VPS37A: variants seen among roughly 807,000 people sequenced by gnomAD.
The protein encoded by VPS37A is VPS37A subunit of ESCRT-I.
A neutral mutation model predicts 49.8 loss-of-function variants in VPS37A; 30 were observed. The observed-to-expected ratio is 0.60, with a 90% CI of 0.45 to 0.82. VPS37A has a LOEUF of 0.82. Ranked by LOEUF, VPS37A falls within the 40% of genes least tolerant of loss-of-function variation. The probability of loss-of-function intolerance (pLI) is 0.00; values close to 1 mark genes in which losing one functional copy is unlikely to be tolerated. For synonymous variants in VPS37A, 195 were observed against 160.6 expected (o/e 1.21, Z -1.62); for missense variants, 593 against 464.4 (o/e 1.28, Z -2.55).
downstream of VPS37A, chr8:17,302,038 T>C (rs1817151466): frequency 7.2e-7 from 1 of 1,382,330 alleles, no homozygotes; most frequent in Non-Finnish European, 1.0e-6. Context: ...TCAGGTGTTC[T>C]ACTGACTAAA....
At chr8:17,268,627 T>C (rs376215522) in intron 3 of VPS37A, among the ~76,000 whole-genome samples, 2 of 152,166 alleles carry the variant, frequency 1.3e-5, no homozygotes, top group African/African-American at 2.4e-5. Context: ...TAAGGAAATA[T>C]TTTGGCTCCA....
At chr8:17,290,240 A>G (rs1044910994) in intron 11 of VPS37A, among the ~76,000 whole-genome samples, 1 of 151,694 alleles carries the variant, frequency 6.6e-6, no homozygotes, top group Non-Finnish European at 1.5e-5. Flanking sequence ...ACTGTGTTGA[A>G]TAGGAGTTGT....
the VPS37A span, among the ~76,000 whole-genome samples, chr8:17,326,988 C>T: frequency 3.9e-5 from 6 of 152,206 alleles, no homozygotes; most frequent in Non-Finnish European, 7.3e-5. Flanking sequence ...AATGCAGTGA[C>T]CATTCTGCAC....
the VPS37A span, among the ~76,000 whole-genome samples, chr8:17,330,781 T>C: frequency 5.3e-5 from 8 of 152,208 alleles, no homozygotes; most frequent in African/African-American, 1.4e-4. Context: ...TTTTTGAGCC[T>C]GATCTCCATA....
At chr8:17,302,737 A>G (rs1817209571), downstream of VPS37A, among the ~76,000 whole-genome samples, 1 of 99,048 alleles carries the variant, frequency 1.0e-5, no homozygotes, top group Non-Finnish European at 1.9e-5. Flanking sequence ...TTAATGGCAG[A>G]GTTTCGCTCT....
At chr8:17,330,392 C>T in the VPS37A span, among the ~76,000 whole-genome samples, 1 of 152,212 alleles carries the variant, frequency 6.6e-6, no homozygotes, top group African/African-American at 2.4e-5. Flanking sequence ...TTTCTGCATC[C>T]TCTGTCTTTT....
intron 11 of VPS37A, among the ~76,000 whole-genome samples, chr8:17,294,493 GA>G (rs903675847): frequency 1.3e-5 from 2 of 151,834 alleles, no homozygotes; most frequent in Admixed American, 1.3e-4. Flanking sequence ...CAGGCAGTAC[GA>G]AAAAAAATTC....
At chr8:17,330,171 G>A in the VPS37A span, among the ~76,000 whole-genome samples, 8 of 152,330 alleles carry the variant, frequency 5.3e-5, no homozygotes, top group East Asian at 1.5e-3. Flanking sequence ...CCAACGTTAG[G>A]GTGTTCTGAT....
the VPS37A span, among the ~76,000 whole-genome samples, chr8:17,312,845 A>C: frequency 2.6e-5 from 4 of 152,194 alleles, no homozygotes; most frequent in African/African-American, 9.6e-5. Flanking sequence ...ATTGCATTCT[A>C]AAACAGCTTA....
Position 17,247,139 on chromosome 8 carries a change from C to A in VPS37A, c.-106C>A. On this transcript the variant is annotated 5_prime_UTR_variant, in exon 1 of 12. Transcript: ENST00000324849. The stretch of plus-strand genomic sequence containing the variant: ...GACGCGGTCCCCAGCGCTTGGGCCA[C>A]GGACGTCCCACCCCGCTCCTCTGTC... 1 of 1,477,352 alleles carries A rather than the reference C, an allele frequency of 6.8e-7. No homozygotes were observed. The highest frequency in any genetic ancestry group is 1.4e-5 in the African/African-American group (1 of 71,446). 91.5% of individuals were successfully genotyped at this position (1,477,352 alleles called of 1,614,324 possible).
At chr8:17,300,604 T>A (rs566340138), downstream of VPS37A, among the ~76,000 whole-genome samples, 1 of 152,240 alleles carries the variant, frequency 6.6e-6, no homozygotes, top group Non-Finnish European at 1.5e-5. Context: ...CTAACTTTTA[T>A]ACTGAGATAC....
Position 17,264,247 on chromosome 8 carries a change from G to C in VPS37A, c.126-1660G>C, listed in dbSNP as rs1258179262. On this transcript the variant is annotated intron_variant, in intron 1 of 11. Coordinates refer to ENST00000324849, the MANE Select transcript of VPS37A (RefSeq NM_152415.3). ...AGGCAGTGCTGTTAATCACTAAGAT[G>C]CTCTAGTTGACTTTGAATTGGTGGA... 9.9e-5 allele frequency among the ~76,000 whole-genome samples: 15 copies of C among 152,108 alleles called. No individual in the cohort carries two copies. The East Asian group carries it at 2.7e-3, about 27-fold the overall frequency.
At chr8:17,323,757 C>G in the VPS37A span, among the ~76,000 whole-genome samples, 1 of 152,136 alleles carries the variant, frequency 6.6e-6, no homozygotes, top group East Asian at 1.9e-4. Context: ...ATCGAACTGC[C>G]AAACCCCACC....
chr8:17,247,098 G>A lies in VPS37A; in HGVS notation c.-147G>A, dbSNP rs1811289510. On this transcript the variant is annotated 5_prime_UTR_variant, in exon 1 of 12. Transcript: ENST00000324849. ...CCCCAGAACTCGGGGAGCGCAGGCA[G>A]GACAGGCTTAGAGAAGACGCGGTCC... The A allele has an allele frequency of 1.9e-6, 2 of 1,056,214 alleles. No individual in the cohort carries two copies. The highest frequency in any genetic ancestry group is 3.0e-5 in the South Asian group (2 of 65,736). The allele number at this position is 1,056,214 out of a possible 1,614,324, so 65.4% of individuals were successfully genotyped here.
chr8:17,271,487 T>C (rs1220244934), intron 4 of VPS37A, among the ~76,000 whole-genome samples: 1 of 152,034 alleles, frequency 6.6e-6, no homozygotes, highest in Non-Finnish European at 1.5e-5. Context: ...GCACCTGTAG[T>C]CCCAGCTACT....
the VPS37A span, among the ~76,000 whole-genome samples, chr8:17,329,042 C>G: frequency 6.6e-6 from 1 of 152,188 alleles, no homozygotes; most frequent in African/African-American, 2.4e-5. Flanking sequence ...AGAACGCAAA[C>G]AATTTTACTT....
At chr8:17,248,056 A>G (rs1362859106) in intron 1 of VPS37A, 3 of 438,656 alleles carry the variant, frequency 6.8e-6, no homozygotes, top group African/African-American at 6.0e-5. Flanking sequence ...TGGTCAGTTT[A>G]GAAATATTTT....
downstream of VPS37A, among the ~76,000 whole-genome samples, chr8:17,301,252 T>G (rs760659277): frequency 6.6e-6 from 1 of 152,182 alleles, no homozygotes; most frequent in Non-Finnish European, 1.5e-5. Context: ...TCATGCAATG[T>G]AAGAATTTCA....
chr8:17,282,269 G>A (rs1349653553), intron 9 of VPS37A, among the ~76,000 whole-genome samples: 3 of 151,926 alleles, frequency 2.0e-5, no homozygotes, highest in Non-Finnish European at 4.4e-5. Context: ...AAAAAATTGA[G>A]GATTCAATAA....
Sources: allele counts gnomAD v4.1 joint callset (sites outside exome capture counted in the v4.1 genomes callset), GRCh38; gene constraint gnomAD v4.1.1; transcripts MANE v1.5; gene names NCBI Gene and HGNC (gene_info 2026-07-23, HGNC 2026-07-21).